NAT16: variants seen among roughly 807,000 people sequenced by gnomAD.
The protein encoded by NAT16 is probable N-acetyltransferase 16.
Under a neutral mutation model 15.9 loss-of-function variants are expected in NAT16, and 16 were observed. That is an observed-to-expected ratio of 1.01 (90% CI 0.68 to 1.53). The LOEUF (loss-of-function observed/expected upper bound fraction) is 1.53, where lower values mean the gene tolerates loss of function less well. Among genes scored for constraint, NAT16 ranks in the 40% most tolerant of loss-of-function variants. The pLI is 0.00. For synonymous variants in NAT16, 260 were observed against 241.9 expected (o/e 1.07, Z -0.69); for missense variants, 572 against 508.4 (o/e 1.13, Z -1.20).
rs1258307857 is a variant in NAT16, at chr7:101,172,911, G to A, written c.538-260C>T. On this transcript the variant is annotated intron_variant, in intron 3 of 3. Coordinates refer to ENST00000300303, the MANE Select transcript of NAT16 (RefSeq NM_198571.3). This position sits in a 1 kb window ranked among gnomAD's most constrained non-coding sequence, Gnocchi z 4.2. ...AGGTGGGATCAGTATGGAGTAGCCA[G>A]GGAACTGAGGGTACGGGTCCCCGGG... 6.6e-6 allele frequency among the ~76,000 whole-genome samples: 1 copy of A among 152,188 alleles called. No individual in the cohort carries two copies. Among genetic ancestry groups the A allele is most frequent in the African/African-American group, 2.4e-5 (1 of 41,458 alleles).
chr7:101,171,822 GC>G lies in NAT16; in HGVS notation c.*256del. On this transcript the variant is annotated 3_prime_UTR_variant, in exon 4 of 4. Transcript: ENST00000300303. ...AGAGGGTGGATAACAGCAGCTCAAG[GC>G]CCCCACCCCCAGCCCCCACCTAATA... 6.3e-6 allele frequency: 3 copies of G among 476,670 alleles called. No homozygotes were observed. Among genetic ancestry groups the G allele is most frequent in the East Asian group, 3.8e-5 (1 of 26,126 alleles). The allele number at this position is 476,670 out of a possible 1,614,324, so 29.5% of individuals were successfully genotyped here.
rs1041918712 is a variant in NAT16, at chr7:101,170,639, C to T, written c.*1440G>A. On this transcript the variant is annotated 3_prime_UTR_variant, in exon 4 of 4. Coordinates refer to ENST00000300303, the MANE Select transcript of NAT16 (RefSeq NM_198571.3). ...CGGAAAGTGGCGAAGCGGCGGCTGC[C>T]CCTACCCCCCACCTTGTCCACATTC... 1.3e-5 allele frequency: 2 copies of T among 152,424 alleles called. No homozygotes were observed. Among genetic ancestry groups the T allele is most frequent in the African/African-American group, 4.8e-5 (2 of 41,428 alleles). The allele number at this position is 152,424 out of a possible 1,614,324, so 9.4% of individuals were successfully genotyped here. A position where few individuals can be genotyped will look rare whatever the true frequency, so the allele number is the denominator to read the frequency against.
At chr7:101,178,597 G>A (rs1439516421) in intron 1 of NAT16, among the ~76,000 whole-genome samples, 1 of 151,790 alleles carries the variant, frequency 6.6e-6, no homozygotes, top group Non-Finnish European at 1.5e-5. Flanking sequence ...TCTTGGCCGG[G>A]CGTGGTGGCT....
rs767079708 is a variant in NAT16 at position 101,173,287 on chromosome 7, CCTT to C, written c.537+6_537+8del. 3 of 1,612,622 alleles carry C rather than the reference CCTT, an allele frequency of 1.9e-6. No homozygotes were observed. Among genetic ancestry groups the C allele is most frequent in the South Asian group, 1.1e-5 (1 of 91,002 alleles). ...AGGCCCAGCCATCCGAGCTCCCTGT[CCTT>C]CTCACCTGCTTGGTGATTAGGCGGT... On this transcript the variant is annotated splice_donor_region_variant and intron_variant, in intron 3 of 3. Coordinates refer to ENST00000300303, the MANE Select transcript of NAT16 (RefSeq NM_198571.3).
Position 101,179,784 on chromosome 7 carries a change from G to A in NAT16, c.-5+258C>T, listed in dbSNP as rs1433436365. ...GATTGCAAAGGGAGCGATCTGCTTGGCGGGGGTTCCCCTGGGCGCCGGACC... is the reference window on the plus strand; with the variant it reads ...GATTGCAAAGGGAGCGATCTGCTTGACGGGGGTTCCCCTGGGCGCCGGACC... On this transcript the variant is annotated intron_variant, in intron 1 of 3. Coordinates refer to ENST00000300303, the MANE Select transcript of NAT16 (RefSeq NM_198571.3). Among the ~76,000 whole-genome samples, 39 of 151,340 alleles carry A rather than the reference G, an allele frequency of 2.6e-4. 1 individual carries two copies. Among genetic ancestry groups the A allele is most frequent in the Admixed American group, 2.6e-3 (39 of 15,222 alleles).
In NAT16 at chr7:101,172,662, C is replaced by T. The variant is rs1415275655; in HGVS notation, c.538-11G>A. On this transcript the variant is annotated splice_polypyrimidine_tract_variant and intron_variant, in intron 3 of 3. Transcript: ENST00000300303. The surrounding 1 kb of genome is among the most constrained non-coding windows in gnomAD (Gnocchi z 4.2). The stretch of plus-strand genomic sequence containing the variant: ...GACCAAAAGGATGCCCTGCGGGGGG[C>T]ACGAGTGAGCGCGGGGAGGGGGGGC... 6.7e-7 allele frequency: 1 copy of T among 1,482,258 alleles called. No homozygotes were observed. The highest frequency in any genetic ancestry group is 2.4e-5 in the Admixed American group (1 of 41,466). 91.8% of individuals were successfully genotyped at this position (1,482,258 alleles called of 1,614,324 possible). A position where few individuals can be genotyped will look rare whatever the true frequency, so the allele number is the denominator to read the frequency against.
In NAT16 at chr7:101,174,959, T is replaced by C. The variant is rs147220825; in HGVS notation, c.-4-148A>G. 221 of 1,122,640 alleles carry C rather than the reference T, an allele frequency of 2.0e-4. No individual in the cohort carries two copies. In the African/African-American group the frequency reaches 3.5e-3, roughly 18 times the overall value. 69.5% of individuals were successfully genotyped at this position (1,122,640 alleles called of 1,614,324 possible). A position where few individuals can be genotyped will look rare whatever the true frequency, so the allele number is the denominator to read the frequency against. On this transcript the variant is annotated intron_variant, in intron 1 of 3. Coordinates refer to ENST00000300303, the MANE Select transcript of NAT16 (RefSeq NM_198571.3). ...ATTTATTTACTTATTTACTTATTTA[T>C]TTATTTATTTTTTGAGACGGAGTCT...
At chr7:101,178,140 A>C (rs1282590370) in intron 1 of NAT16, among the ~76,000 whole-genome samples, 2 of 152,164 alleles carry the variant, frequency 1.3e-5, no homozygotes, top group Non-Finnish European at 2.9e-5. Context: ...ACCCTTTCCA[A>C]ATGGCATTTA....
chr7:101,172,671 G>C lies in NAT16; in HGVS notation c.538-20C>G. 6.8e-7 allele frequency: 1 copy of C among 1,462,778 alleles called. No homozygotes were observed. Among genetic ancestry groups the C allele is most frequent in the Non-Finnish European group, 9.0e-7 (1 of 1,117,176 alleles). The allele number at this position is 1,462,778 out of a possible 1,614,324, so 90.6% of individuals were successfully genotyped here. On this transcript the variant is annotated intron_variant, in intron 3 of 3. Coordinates refer to ENST00000300303, the MANE Select transcript of NAT16 (RefSeq NM_198571.3). This position sits in a 1 kb window ranked among gnomAD's most constrained non-coding sequence, Gnocchi z 4.2. ...GATGCCCTGCGGGGGGCACGAGTGA[G>C]CGCGGGGAGGGGGGGCGCAGCAGGG...
chr7:101,174,231 C>G (rs1389817253), intron 2 of NAT16: 1 of 524,630 alleles, frequency 1.9e-6, no homozygotes, highest in African/African-American at 1.9e-5. Flanking sequence ...GCTTTTACCC[C>G]CAGAAATTCC....
Position 101,171,820 on chromosome 7 carries a change from A to T in NAT16, c.*259T>A. 1 of 470,984 alleles carries T rather than the reference A, an allele frequency of 2.1e-6. No homozygotes were observed. Among genetic ancestry groups the T allele is most frequent in the South Asian group, 3.1e-5 (1 of 32,710 alleles). The allele number at this position is 470,984 out of a possible 1,614,324, so 29.2% of individuals were successfully genotyped here. ...ACAGAGGGTGGATAACAGCAGCTCAAGGCCCCCACCCCCAGCCCCCACCTA... is the reference window on the plus strand; with the variant it reads ...ACAGAGGGTGGATAACAGCAGCTCATGGCCCCCACCCCCAGCCCCCACCTA... On this transcript the variant is annotated 3_prime_UTR_variant, in exon 4 of 4. Coordinates refer to ENST00000300303, the MANE Select transcript of NAT16 (RefSeq NM_198571.3).
intron 1 of NAT16, among the ~76,000 whole-genome samples, chr7:101,179,509 A>T (rs901259540): frequency 1.3e-5 from 2 of 151,124 alleles, no homozygotes; most frequent in African/African-American, 4.9e-5. Context: ...GAAAGTCAGA[A>T]AAAAGGCCGT....
chr7:101,178,408 C>T (rs952930478), intron 1 of NAT16, among the ~76,000 whole-genome samples: 2 of 152,104 alleles, frequency 1.3e-5, no homozygotes, highest in African/African-American at 4.8e-5. Flanking sequence ...ACCCTTGCTT[C>T]ACATGGTGAC....
chr7:101,174,323 G>T, intron 2 of NAT16, 173 bp downstream of exon 2: 1 of 828,050 alleles, frequency 1.2e-6, no homozygotes, highest in Non-Finnish European at 1.8e-6. Context: ...CACCCTCACT[G>T]ACATAGCCCC....
chr7:101,175,486 A>T, intron 1 of NAT16, among the ~76,000 whole-genome samples: 1 of 151,944 alleles, frequency 6.6e-6, no homozygotes, highest in Non-Finnish European at 1.5e-5. Flanking sequence ...ACCAGCTTTC[A>T]GAAATCTCAG....
rs1797325801 is a variant in NAT16 at position 101,171,741 on chromosome 7, T to G, written c.*338A>C. On this transcript the variant is annotated 3_prime_UTR_variant, in exon 4 of 4. Coordinates refer to ENST00000300303, the MANE Select transcript of NAT16 (RefSeq NM_198571.3). ...GGAGTTCACGCCCCGGGTGAGGTGATGGAGAGGGAAGGAAGGACTCTGAAG... is the reference window on the plus strand; with the variant it reads ...GGAGTTCACGCCCCGGGTGAGGTGAGGGAGAGGGAAGGAAGGACTCTGAAG... 21 of 225,544 alleles carry G rather than the reference T, an allele frequency of 9.3e-5. No homozygotes were observed. Among genetic ancestry groups the G allele is most frequent in the Non-Finnish European group, 1.2e-4 (14 of 115,462 alleles). 14.0% of individuals were successfully genotyped at this position (225,544 alleles called of 1,614,324 possible).
Position 101,172,196 on chromosome 7 carries a change from G to A in NAT16, c.993C>T (p.Cys331=), listed in dbSNP as rs1309402164. ...ACAGCTGGGGCTCCAGGAAGAGCTG[G>A]CACATGACGTTGAGGCCAACGAGGC... ...APRLVGLNVM[C]QLFLEPQLWS... Residue 331 remains cysteine (C), a synonymous_variant, in exon 4 of 4, where the codon TGC becomes TGT. Coordinates refer to ENST00000300303, the MANE Select transcript of NAT16 (RefSeq NM_198571.3). This position sits in a 1 kb window ranked among gnomAD's most constrained non-coding sequence, Gnocchi z 4.2. 1.9e-6 allele frequency: 3 copies of A among 1,613,784 alleles called. No individual in the cohort carries two copies. Among genetic ancestry groups the A allele is most frequent in the East Asian group, 4.5e-5 (2 of 44,864 alleles).
chr7:101,178,710 T>TAAAAAAAAAAA (rs386410830), intron 1 of NAT16, among the ~76,000 whole-genome samples: 1 of 72,792 alleles, frequency 1.4e-5, no homozygotes, highest in African/African-American at 5.6e-5. Context: ...CTCTCTCTAC[T>TAAAAAAAAAAA]AAAAAAAAAA....
chr7:101,174,739 T>G lies in NAT16; in HGVS notation c.69A>C (p.Arg23=). ...GGGTTTCAGAGCTTGGCTCTGCATC[T>G]CGGGCAGTCTTCTTTTCCGGCTTAG... ...EVPKPEKKTA[R]DAEPSSETRP... The change falls in exon 2 of 4, where the codon CGA becomes CGC. Residue 23 remains arginine (R), a synonymous_variant. Coordinates refer to ENST00000300303, the MANE Select transcript of NAT16 (RefSeq NM_198571.3). 1 of 1,608,200 alleles carries G rather than the reference T, an allele frequency of 6.2e-7. No individual in the cohort carries two copies. The highest frequency in any genetic ancestry group is 8.5e-7 in the Non-Finnish European group (1 of 1,178,872).
Sources: gnomAD v4.1 joint callset for allele counts (sites outside exome capture counted in the v4.1 genomes callset) on GRCh38, gnomAD v4.1.1 for gene constraint, Gnocchi (gnomAD v3.1) non-coding constraint, MANE v1.5 for transcripts, NCBI Gene and HGNC (gene_info 2026-07-23, HGNC 2026-07-21) for gene names.